Variants in UNC5D observed in about 807,000 individuals in gnomAD.
The protein encoded by UNC5D is netrin receptor UNC5D.
Under a neutral mutation model 105.4 loss-of-function variants are expected in UNC5D, and 39 were observed. That is an observed-to-expected ratio of 0.37 (90% CI 0.29 to 0.48). The LOEUF is 0.48. Ranked by LOEUF, UNC5D falls within the 20% of genes least tolerant of loss-of-function variation. The pLI, the probability that UNC5D is intolerant of heterozygous loss-of-function variation, is 0.98. For synonymous variants in UNC5D, 452 were observed against 450.4 expected (o/e 1.00, Z -0.04); for missense variants, 991 against 1,202.4 (o/e 0.82, Z 2.60).
intron 1 of UNC5D, among the ~76,000 whole-genome samples, chr8:35,534,466 TGAGA>T (rs1349388770): frequency 6.6e-6 from 1 of 151,918 alleles, no homozygotes; most frequent in Non-Finnish European, 1.5e-5. Flanking sequence ...GTCTCCTGTT[TGAGA>T]AACCTTGTGT....
chr8:35,605,094 C>T (rs998696968), intron 4 of UNC5D, among the ~76,000 whole-genome samples: 2 of 152,304 alleles, frequency 1.3e-5, no homozygotes, highest in Middle Eastern at 3.4e-3. Flanking sequence ...TGAGGAGCTG[C>T]GTTCCTTTGG....
intron 1 of UNC5D, among the ~76,000 whole-genome samples, chr8:35,279,318 A>G (rs374374711): frequency 1.3e-5 from 2 of 152,242 alleles, no homozygotes; most frequent in African/African-American, 4.8e-5. Context: ...TACTTCACTC[A>G]GTTGTCCACC....
chr8:35,339,873 G>A (rs1229327657), intron 1 of UNC5D, among the ~76,000 whole-genome samples: 1 of 152,144 alleles, frequency 6.6e-6, no homozygotes, highest in Non-Finnish European at 1.5e-5. Flanking sequence ...GGAAGGGGTT[G>A]AGATCAAAAA....
rs1285166138 is a variant in UNC5D at position 35,550,623 on chromosome 8, G to GATA, written c.322+1114_322+1115insTAA. The stretch of plus-strand genomic sequence containing the variant: ...AGGTAAGAAAATAGCCCATAGGGGT[G>GATA]AACTTTACACATAATGACAGAGATA... On this transcript the variant is annotated intron_variant, in intron 2 of 16. Transcript: ENST00000404895. Among the ~76,000 whole-genome samples the GATA allele has an allele frequency of 3.3e-5, 5 of 152,316 alleles. No homozygotes were observed. In the East Asian group the frequency reaches 9.6e-4, roughly 29 times the overall value.
chr8:35,733,373 A>G (rs1026163933), intron 11 of UNC5D, among the ~76,000 whole-genome samples: 3 of 152,216 alleles, frequency 2.0e-5, no homozygotes, highest in African/African-American at 7.2e-5. Flanking sequence ...GGAAAAGGCC[A>G]GTGTGTCACC....
chr8:35,705,006 C>T (rs1048711291), intron 7 of UNC5D, among the ~76,000 whole-genome samples: 18 of 149,144 alleles, frequency 1.2e-4, no homozygotes, highest in South Asian at 4.3e-4. Flanking sequence ...CGCTGTTGCC[C>T]GGGCTGGAGT....
At chr8:35,273,586 C>T (rs1211172198) in intron 1 of UNC5D, among the ~76,000 whole-genome samples, 1 of 152,092 alleles carries the variant, frequency 6.6e-6, no homozygotes, top group Non-Finnish European at 1.5e-5. Context: ...TTAGAAAGCT[C>T]CCCAAAAGGT....
chr8:35,550,494 A>G (rs534953558), intron 2 of UNC5D, among the ~76,000 whole-genome samples: 8 of 152,294 alleles, frequency 5.3e-5, no homozygotes, highest in African/African-American at 1.9e-4. Context: ...GAATAAGTCA[A>G]AAAACATCAG....
At chr8:35,653,338 C>T (rs1823541397) in intron 4 of UNC5D, among the ~76,000 whole-genome samples, 2 of 152,132 alleles carry the variant, frequency 1.3e-5, no homozygotes, top group Non-Finnish European at 2.9e-5. Flanking sequence ...ACTTTTCCAA[C>T]ATTTTATATA....
In UNC5D at chr8:35,253,473, C is replaced by CTTTTTTTTTTTTTTTTTT. The variant is rs58063448; in HGVS notation, c.103+17590_103+17607dup. ...GAGTTTGGAGTAGAGATTTTATTTC[C>CTTTTTTTTTTTTTTTTTT]TTTTTTTTTTTTTTTTTTTTTCTTT... On this transcript the variant is annotated intron_variant, in intron 1 of 16. Coordinates refer to ENST00000404895, the MANE Select transcript of UNC5D (RefSeq NM_080872.4). 4.0e-5 allele frequency among the ~76,000 whole-genome samples: 4 copies of CTTTTTTTTTTTTTTTTTT among 99,824 alleles called. 1 individual carries two copies. Among genetic ancestry groups the CTTTTTTTTTTTTTTTTTT allele is most frequent in the African/African-American group, 7.7e-5 (2 of 26,052 alleles). 65.5% of individuals were successfully genotyped at this position (99,824 alleles called of 152,430 possible).
At chr8:35,342,990 C>A (rs2128903751) in intron 1 of UNC5D, among the ~76,000 whole-genome samples, 1 of 152,160 alleles carries the variant, frequency 6.6e-6, no homozygotes, top group South Asian at 2.1e-4. Context: ...GTTTAGTGTA[C>A]ATCAGAATCA....
At chr8:35,620,146 A>G (rs965669367) in intron 4 of UNC5D, among the ~76,000 whole-genome samples, 1 of 152,192 alleles carries the variant, frequency 6.6e-6, no homozygotes, top group Non-Finnish European at 1.5e-5. Flanking sequence ...GGACTTCCAG[A>G]ACGATTTGAC....
chr8:35,240,141 G>A (rs542424648), intron 1 of UNC5D, among the ~76,000 whole-genome samples: 3 of 152,002 alleles, frequency 2.0e-5, no homozygotes, highest in African/African-American at 7.3e-5. Flanking sequence ...GTAGAGATTA[G>A]CTCTCACTAT....
chr8:35,704,314 A>C (rs568830794), intron 7 of UNC5D, among the ~76,000 whole-genome samples: 23 of 152,340 alleles, frequency 1.5e-4, no homozygotes, highest in Admixed American at 1.5e-3. Context: ...CATGTAATGC[A>C]AGAGCATTCC....
chr8:35,371,277 T>C (rs1369664050), intron 1 of UNC5D, among the ~76,000 whole-genome samples: 1 of 152,184 alleles, frequency 6.6e-6, no homozygotes, highest in African/African-American at 2.4e-5. Flanking sequence ...ATACTTCATA[T>C]GCTTCATTGG....
intron 7 of UNC5D, among the ~76,000 whole-genome samples, chr8:35,698,814 G>A (rs953750446): frequency 3.3e-5 from 5 of 152,090 alleles, no homozygotes; most frequent in African/African-American, 1.2e-4. Context: ...TCAAGTCAGT[G>A]ATTATCATGA....
At chr8:35,755,478 ATGTGTGTGTG>A (rs140830705) in intron 13 of UNC5D, among the ~76,000 whole-genome samples, 106 of 150,498 alleles carry the variant, frequency 7.0e-4, no homozygotes, top group African/African-American at 2.5e-3. Context: ...ATTTGTGTGT[ATGTGTGTGTG>A]TGTGTGTGTA....
chr8:35,684,367 AT>A (rs1183234681), intron 5 of UNC5D, among the ~76,000 whole-genome samples: 3 of 152,114 alleles, frequency 2.0e-5, no homozygotes, highest in Non-Finnish European at 4.4e-5. Context: ...TGCAAGGCAA[AT>A]TCTGTGTCCC....
In UNC5D at chr8:35,493,182, G is replaced by A. The variant is rs1337097382; in HGVS notation, c.104-56110G>A. 2.0e-5 allele frequency among the ~76,000 whole-genome samples: 3 copies of A among 150,730 alleles called. No individual in the cohort carries two copies. The East Asian group carries it at 5.9e-4, about 29-fold the overall frequency. On this transcript the variant is annotated intron_variant, in intron 1 of 16. Coordinates refer to ENST00000404895, the MANE Select transcript of UNC5D (RefSeq NM_080872.4). ...TCAGCATGCCTAAGCACTTTACTTT[G>A]GGGCGGCATTCTCTGTACCCCAACA... is the stretch of plus-strand genomic sequence containing the variant.
Sources: gnomAD v4.1 joint callset for allele counts (sites outside exome capture counted in the v4.1 genomes callset) on GRCh38, gnomAD v4.1.1 for gene constraint, MANE v1.5 for transcripts, NCBI Gene and HGNC (gene_info 2026-07-23, HGNC 2026-07-21) for gene names.